HS3ST4: variants seen among roughly 807,000 people sequenced by gnomAD.
HS3ST4 encodes heparan sulfate-glucosamine 3-sulfotransferase 4.
In HS3ST4, 17 loss-of-function variants were observed where a neutral mutation model predicts 29.2. The ratio of observed to expected loss-of-function variants is 0.58; its 90% CI spans 0.40 to 0.87. The LOEUF is 0.87. HS3ST4 is among the 40% of genes least tolerant of loss of function. HS3ST4 has a pLI of 0.00. For synonymous variants in HS3ST4, 314 were observed against 285.7 expected (o/e 1.10, Z -1.00); for missense variants, 627 against 634.5 (o/e 0.99, Z 0.13).
At chr16:25,791,150 T>G (rs1232085180) in intron 1 of HS3ST4, among the ~76,000 whole-genome samples, 1 of 152,106 alleles carries the variant, frequency 6.6e-6, no homozygotes, top group Non-Finnish European at 1.5e-5. Flanking sequence ...AAAATCCACT[T>G]TCCCCGCATT....
At position 26,038,187 on chromosome 16, in the gene HS3ST4, A is replaced by G. The variant is rs115070734; in HGVS notation, c.735-97425A>G. ...CTCAGCCCTCTGGATCTGCCATCCC[A>G]GTGCCTGGAATGCTCTTCCCCGATT... On this transcript the variant is annotated intron_variant, in intron 1 of 1. Coordinates refer to ENST00000331351, the MANE Select transcript of HS3ST4 (RefSeq NM_006040.3). Among the ~76,000 whole-genome samples, 629 of 152,082 alleles carry G rather than the reference A, an allele frequency of 4.1e-3. 3 individuals carry two copies. Among genetic ancestry groups the G allele is most frequent in the African/African-American group, 0.012 (482 of 41,462 alleles).
At chr16:25,942,823 T>C (rs1485687947) in intron 1 of HS3ST4, among the ~76,000 whole-genome samples, 1 of 152,074 alleles carries the variant, frequency 6.6e-6, no homozygotes, top group African/African-American at 2.4e-5. Context: ...AATCCTGCTA[T>C]GTTGCCCAGG....
intron 1 of HS3ST4, among the ~76,000 whole-genome samples, chr16:26,037,658 A>G (rs993688097): frequency 2.6e-5 from 4 of 152,198 alleles, no homozygotes; most frequent in Non-Finnish European, 5.9e-5. Flanking sequence ...TATATGTTTC[A>G]CTGAGCAGTT....
chr16:25,741,562 T>G (rs1966653570), intron 1 of HS3ST4, among the ~76,000 whole-genome samples: 1 of 152,240 alleles, frequency 6.6e-6, no homozygotes, highest in East Asian at 1.9e-4. Context: ...TAATGAATAC[T>G]TTGGAGCTTA....
At position 25,866,402 on chromosome 16, in the gene HS3ST4, A is replaced by G. The variant is rs146570239; in HGVS notation, c.734+173251A>G. Among the ~76,000 whole-genome samples, 264 of 152,308 alleles carry G rather than the reference A, an allele frequency of 1.7e-3. 2 individuals are homozygous for G. The highest frequency in any genetic ancestry group is 6.8e-3 in the Middle Eastern group (2 of 294). On this transcript the variant is annotated intron_variant, in intron 1 of 1. Coordinates refer to ENST00000331351, the MANE Select transcript of HS3ST4 (RefSeq NM_006040.3). ...TCACAATAGGAAAGACTTGGAACCA[A>G]CCCAAAAGCCCATCAATGATAGACT... is the stretch of plus-strand genomic sequence containing the variant.
intron 1 of HS3ST4, among the ~76,000 whole-genome samples, chr16:25,817,350 T>A (rs1015379085): frequency 2.6e-5 from 4 of 152,184 alleles, no homozygotes; most frequent in African/African-American, 9.6e-5. Context: ...GTTGGCGAAT[T>A]TCTTAGGAAA....
chr16:25,854,594 T>C (rs1967556691), intron 1 of HS3ST4, among the ~76,000 whole-genome samples: 1 of 152,124 alleles, frequency 6.6e-6, no homozygotes, highest in Non-Finnish European at 1.5e-5. Flanking sequence ...CAGCCTTATG[T>C]AACCAGCCCA....
chr16:25,989,708 C>A (rs7195643), intron 1 of HS3ST4, among the ~76,000 whole-genome samples: 28,692 of 152,126 alleles, frequency 0.19, 2,829 homozygotes, highest in Middle Eastern at 0.22. Flanking sequence ...ATTTTAATTT[C>A]CTTTTGTTTG....
intron 1 of HS3ST4, among the ~76,000 whole-genome samples, chr16:25,801,188 A>G (rs1966930248): frequency 1.3e-5 from 2 of 152,140 alleles, no homozygotes; most frequent in East Asian, 1.9e-4. Flanking sequence ...CAGACAGGAT[A>G]CTCATGCTGC....
chr16:26,082,795 A>G (rs1898739517), intron 1 of HS3ST4, among the ~76,000 whole-genome samples: 1 of 152,194 alleles, frequency 6.6e-6, no homozygotes, highest in Admixed American at 6.5e-5. Flanking sequence ...CCAGGTGCCA[A>G]CTTCATGGAG....
At chr16:25,897,205 A>G (rs1044914145) in intron 1 of HS3ST4, among the ~76,000 whole-genome samples, 1 of 152,298 alleles carries the variant, frequency 6.6e-6, no homozygotes, top group Non-Finnish European at 1.5e-5. Context: ...GTGTAATCCC[A>G]GCACTTTGGA....
chr16:26,046,440 G>A lies in HS3ST4; in HGVS notation c.735-89172G>A, dbSNP rs548636859. On this transcript the variant is annotated intron_variant, in intron 1 of 1. Coordinates refer to ENST00000331351, the MANE Select transcript of HS3ST4 (RefSeq NM_006040.3). ...TGCTGGGATTACAGGCATGAGCCAC[G>A]GTACCCGGCCCAGGAAAAAGTTTTA... is the stretch of plus-strand genomic sequence containing the variant. Among the ~76,000 whole-genome samples the A allele has an allele frequency of 2.6e-5, 4 of 152,128 alleles. No individual in the cohort carries two copies. In the South Asian group the frequency reaches 6.2e-4, roughly 24 times the overall value.
At chr16:25,894,681 T>G (rs958304574) in intron 1 of HS3ST4, among the ~76,000 whole-genome samples, 1 of 152,024 alleles carries the variant, frequency 6.6e-6, no homozygotes, top group Non-Finnish European at 1.5e-5. Flanking sequence ...AATTTTTGTA[T>G]TTTTAATAGA....
intron 1 of HS3ST4, among the ~76,000 whole-genome samples, chr16:26,078,465 T>C (rs1162102169): frequency 1.3e-5 from 2 of 152,190 alleles, no homozygotes; most frequent in African/African-American, 4.8e-5. Context: ...GCTTTATTTT[T>C]TTAAAGAAAT....
At chr16:25,703,730 A>G (rs1259123368) in intron 1 of HS3ST4, among the ~76,000 whole-genome samples, 4 of 152,174 alleles carry the variant, frequency 2.6e-5, no homozygotes, top group African/African-American at 7.2e-5. Context: ...GACTATGCCA[A>G]GCTCATTCCC....
chr16:26,077,057 C>G (rs1898671573), intron 1 of HS3ST4, among the ~76,000 whole-genome samples: 1 of 152,172 alleles, frequency 6.6e-6, no homozygotes, highest in African/African-American at 2.4e-5. Flanking sequence ...CTCTTCTGCT[C>G]TACTCACCTG....
chr16:25,984,266 G>C (rs1377059779), intron 1 of HS3ST4, among the ~76,000 whole-genome samples: 1 of 152,176 alleles, frequency 6.6e-6, no homozygotes, highest in Non-Finnish European at 1.5e-5. Context: ...TCCATGGCCA[G>C]GGATGGGGGA....
At chr16:25,714,074 A>G (rs769482089) in intron 1 of HS3ST4, among the ~76,000 whole-genome samples, 77 of 152,042 alleles carry the variant, frequency 5.1e-4, no homozygotes, top group Non-Finnish European at 8.5e-4. Flanking sequence ...AGATCTCTGT[A>G]CTAATCCATT....
Position 25,692,850 on chromosome 16 carries a change from G to T in HS3ST4, c.433G>T (p.Ala145Ser), listed in dbSNP as rs1477046419. 1.4e-6 allele frequency: 2 copies of T among 1,456,302 alleles called. No homozygotes were observed. The highest frequency in any genetic ancestry group is 1.8e-6 in the Non-Finnish European group (2 of 1,105,654). 90.2% of individuals were successfully genotyped at this position (1,456,302 alleles called of 1,614,324 possible). The change falls in exon 1 of 2, where the codon GCC becomes TCC. Residue 145 changes from alanine (A) to serine (S), a missense_variant. This residue lies in a region of HS3ST4 where 402 missense variants were observed against 340.8 expected (regional missense o/e 1.18). Coordinates refer to ENST00000331351, the MANE Select transcript of HS3ST4 (RefSeq NM_006040.3). ...GGACGCCTGGCTCCGGACCCCGCTG[G>T]CCCCCAGCGAGATGATCACGGCTCA... is the stretch of plus-strand genomic sequence containing the variant. ...AQDAWLRTPL[A>S]PSEMITAQSA...
Sources: gnomAD v4.1 joint callset for allele counts (sites outside exome capture counted in the v4.1 genomes callset) on GRCh38, gnomAD v4.1.1 for gene constraint, gnomAD v4.1.1 regional missense constraint, MANE v1.5 for transcripts, NCBI Gene and HGNC (gene_info 2026-07-23, HGNC 2026-07-21) for gene names.